The following CSMD3 variants were observed in gnomAD, a reference collection of about 807,000 sequenced individuals.
CSMD3 encodes CUB and Sushi multiple domains 3.
CSMD3 carries 177 observed loss-of-function variants against 435.2 expected under a neutral mutation model. That is an observed-to-expected ratio of 0.41 (90% CI 0.36 to 0.46). The LOEUF (loss-of-function observed/expected upper bound fraction) is 0.46. Ranked by LOEUF, CSMD3 falls within the 20% of genes least tolerant of loss-of-function variation. The pLI, the probability that CSMD3 is intolerant of heterozygous loss-of-function variation, is 0.34. For synonymous variants in CSMD3, 1,656 were observed against 1,520.5 expected, an observed-to-expected ratio of 1.09 and a Z score of -2.07; for missense variants, 4,265 against 4,504.6, an observed-to-expected ratio of 0.95 and a Z score of 1.52.
intron 2 of CSMD3, among the ~76,000 whole-genome samples, chr8:113,288,763 G>GA (rs201478440): frequency 4.3e-4 from 65 of 150,646 alleles, no homozygotes; most frequent in African/African-American, 1.4e-3. Flanking sequence ...GTATACAATT[G>GA]AAAAAAAAAT....
At chr8:112,281,852 A>G (rs1194982753) in intron 58 of CSMD3, among the ~76,000 whole-genome samples, 1 of 152,176 alleles carries the variant, frequency 6.6e-6, no homozygotes, top group African/African-American at 2.4e-5. Context: ...ATTAAAATGT[A>G]TAAATTCTAT....
chr8:112,490,357 A>G (rs1037824834), intron 31 of CSMD3, among the ~76,000 whole-genome samples: 10 of 152,174 alleles, frequency 6.6e-5, no homozygotes, highest in African/African-American at 2.4e-4. Context: ...ACCAACATTA[A>G]GTATACTTAA....
intron 38 of CSMD3, among the ~76,000 whole-genome samples, chr8:112,361,566 C>CACATACAT (rs1291906987): frequency 3.7e-5 from 2 of 54,368 alleles, no homozygotes; most frequent in African/African-American, 1.5e-4. Flanking sequence ...TATATATATA[C>CACATACAT]ACATACATAT....
intron 13 of CSMD3, among the ~76,000 whole-genome samples, chr8:112,696,408 A>G (rs540362837): frequency 7.2e-5 from 11 of 152,208 alleles, no homozygotes; most frequent in Admixed American, 2.6e-4. Flanking sequence ...CAGAGCCCTC[A>G]GGAATAATAC....
intron 32 of CSMD3, among the ~76,000 whole-genome samples, chr8:112,441,151 T>C (rs1425008608): frequency 6.6e-6 from 1 of 152,076 alleles, no homozygotes; most frequent in Non-Finnish European, 1.5e-5. Context: ...ATACCATATA[T>C]CATCTCTCTC....
intron 10 of CSMD3, among the ~76,000 whole-genome samples, chr8:112,920,436 C>G (rs116878778): frequency 0.034 from 5,106 of 151,800 alleles, 145 homozygotes; most frequent in Middle Eastern, 0.051. Flanking sequence ...TATTTTTAAA[C>G]ATTTATCTCA....
intron 5 of CSMD3, among the ~76,000 whole-genome samples, chr8:113,056,907 C>T (rs2088367653): frequency 6.6e-6 from 1 of 152,234 alleles, no homozygotes; most frequent in East Asian, 1.9e-4. Flanking sequence ...CCTGGAAATT[C>T]TGGTCTTCGT....
At chr8:112,433,671 A>G (rs1011050292) in intron 32 of CSMD3, among the ~76,000 whole-genome samples, 3 of 144,258 alleles carry the variant, frequency 2.1e-5, no homozygotes, top group African/African-American at 5.2e-5. Flanking sequence ...AAAAAAAAAA[A>G]AGAAAGAAAG....
At chr8:113,162,672 C>T (rs1162358784) in intron 4 of CSMD3, among the ~76,000 whole-genome samples, 2 of 151,566 alleles carry the variant, frequency 1.3e-5, no homozygotes, top group African/African-American at 4.9e-5. Flanking sequence ...GCACTTTAAC[C>T]TTAACAGTGG....
chr8:112,828,318 C>T (rs1281526847), intron 12 of CSMD3, among the ~76,000 whole-genome samples: 1 of 152,106 alleles, frequency 6.6e-6, no homozygotes, highest in African/African-American at 2.4e-5. Flanking sequence ...GTGTCCCCAC[C>T]CAAATCTCAC....
At chr8:112,823,168 T>C (rs2079576069) in intron 12 of CSMD3, among the ~76,000 whole-genome samples, 1 of 151,970 alleles carries the variant, frequency 6.6e-6, no homozygotes, top group Admixed American at 6.6e-5. Context: ...TAGGGAGGAG[T>C]CCCTCCATTT....
chr8:112,719,158 T>C (rs2076800715), intron 13 of CSMD3, among the ~76,000 whole-genome samples: 1 of 152,198 alleles, frequency 6.6e-6, no homozygotes. Flanking sequence ...TGTATTTTGC[T>C]GCCATGGGTA....
intron 27 of CSMD3, among the ~76,000 whole-genome samples, chr8:112,531,062 C>T (rs1326655101): frequency 6.6e-6 from 1 of 152,102 alleles, no homozygotes; most frequent in African/African-American, 2.4e-5. Context: ...CCTCCCCTAA[C>T]ACAGTTACCC....
chr8:112,517,263 C>A (rs2130991027), intron 27 of CSMD3, 38 bp from the exon 28 acceptor site: 1 of 1,483,498 alleles, frequency 6.7e-7, no homozygotes. Context: ...GTTTTGATAA[C>A]TACCAAAATC....
At chr8:113,115,056 G>A (rs1395565040) in intron 4 of CSMD3, among the ~76,000 whole-genome samples, 2 of 152,160 alleles carry the variant, frequency 1.3e-5, no homozygotes, top group East Asian at 3.9e-4. Flanking sequence ...CTGGAGATGA[G>A]GTCCAGCAAT....
At chr8:112,836,346 T>C (rs1014242169) in intron 11 of CSMD3, among the ~76,000 whole-genome samples, 1 of 151,826 alleles carries the variant, frequency 6.6e-6, no homozygotes, top group Non-Finnish European at 1.5e-5. Flanking sequence ...CTTGACCTTT[T>C]CTTCTCAACA....
At chr8:112,768,880 G>C (rs1328720168) in intron 13 of CSMD3, among the ~76,000 whole-genome samples, 1 of 151,736 alleles carries the variant, frequency 6.6e-6, no homozygotes, top group Non-Finnish European at 1.5e-5. Context: ...TCAGTAGTCA[G>C]TTTTCAGTCT....
chr8:112,367,412 G>A (rs1012410473), intron 38 of CSMD3, among the ~76,000 whole-genome samples: 7 of 152,092 alleles, frequency 4.6e-5, no homozygotes, highest in East Asian at 1.9e-4. Flanking sequence ...AAAGTCTAGG[G>A]AGTTGAAAGG....
chr8:112,471,407 T>C (rs1210793435), intron 32 of CSMD3, among the ~76,000 whole-genome samples: 1 of 152,178 alleles, frequency 6.6e-6, no homozygotes, highest in Non-Finnish European at 1.5e-5. Flanking sequence ...TAAACTGTCG[T>C]TTTCTTCACT....
Sources: gnomAD v4.1 joint callset for allele counts (sites outside exome capture counted in the v4.1 genomes callset) on GRCh38, gnomAD v4.1.1 for gene constraint, MANE v1.5 for transcripts, NCBI Gene and HGNC (gene_info 2026-07-23, HGNC 2026-07-21) for gene names.